Variants in EPAS1 observed in about 807,000 individuals in gnomAD.
EPAS1 encodes endothelial PAS domain protein 1, also known as endothelial PAS domain-containing protein 1.
A neutral mutation model predicts 87.9 loss-of-function variants in EPAS1; 23 were observed. The ratio of observed to expected loss-of-function variants is 0.26; its 90% CI spans 0.19 to 0.37. The LOEUF (loss-of-function observed/expected upper bound fraction) is 0.37, where lower values mean the gene tolerates loss of function less well. Among genes scored for constraint, EPAS1 ranks in the 10% least tolerant of loss-of-function variants. The pLI is 1.00. For synonymous variants in EPAS1, 508 were observed against 444.3 expected (o/e 1.14, Z -1.80); for missense variants, 1,138 against 1,120.7 (o/e 1.02, Z -0.22).
chr2:46,380,102 G>C lies in EPAS1; in HGVS notation c.1555-125G>C. On this transcript the variant is annotated intron_variant, in intron 11 of 15. Coordinates refer to ENST00000263734, the MANE Select transcript of EPAS1 (RefSeq NM_001430.5). This position sits in a 1 kb window ranked among gnomAD's most constrained non-coding sequence, Gnocchi z 4.4. The stretch of plus-strand genomic sequence containing the variant: ...CCTGATAGGCCCTCGGGAGCCAGTG[G>C]AGGCGTTTGAGCAGCACTGTGAAAC... 1 of 1,508,784 alleles carries C rather than the reference G, an allele frequency of 6.6e-7. No homozygotes were observed. Among genetic ancestry groups the C allele is most frequent in the Admixed American group, 1.7e-5 (1 of 59,830 alleles). 93.5% of individuals were successfully genotyped at this position (1,508,784 alleles called of 1,614,324 possible). A position where few individuals can be genotyped will look rare whatever the true frequency, so the allele number is the denominator to read the frequency against.
At chr2:46,339,338 T>C (rs1252655648) in intron 1 of EPAS1, among the ~76,000 whole-genome samples, 2 of 152,224 alleles carry the variant, frequency 1.3e-5, no homozygotes, top group Admixed American at 6.5e-5. Context: ...AAAAGCTAGG[T>C]TATATGATGG....
At chr2:46,324,730 G>A (rs757538770) in intron 1 of EPAS1, among the ~76,000 whole-genome samples, 12 of 152,344 alleles carry the variant, frequency 7.9e-5, no homozygotes, top group Middle Eastern at 6.8e-3. Flanking sequence ...AAGCAGTTAC[G>A]TAAGTGGGGA....
At position 46,347,835 on chromosome 2, in the gene EPAS1, GGTGACATTCTC is replaced by G. The variant is rs1340025235; in HGVS notation, c.217+775_217+785del. ...AGTAGTCTTCTGGTTTCAGATCCTA[GGTGACATTCTC>G]GTCAGGGGTGTCAGTTCTGTAAGGA... On this transcript the variant is annotated intron_variant, in intron 2 of 15. Coordinates refer to ENST00000263734, the MANE Select transcript of EPAS1 (RefSeq NM_001430.5). The surrounding 1 kb of genome is among the most constrained non-coding windows in gnomAD (Gnocchi z 4.2). Among the ~76,000 whole-genome samples the G allele has an allele frequency of 1.3e-5, 2 of 152,196 alleles. No homozygotes were observed. Among genetic ancestry groups the G allele is most frequent in the Non-Finnish European group, 2.9e-5 (2 of 68,046 alleles).
chr2:46,363,017 G>GA lies in EPAS1; in HGVS notation c.779+1927_779+1928insA, dbSNP rs1553395714. ...GGTGGTGGTGGTGGTGGTGGTGGTG[G>GA]TGATAATGATGGTGGTTCAAGAAGA... On this transcript the variant is annotated intron_variant, in intron 6 of 15. Coordinates refer to ENST00000263734, the MANE Select transcript of EPAS1 (RefSeq NM_001430.5). Among the ~76,000 whole-genome samples, 505 of 144,346 alleles carry GA rather than the reference G, an allele frequency of 3.5e-3. 12 individuals carry two copies. Among genetic ancestry groups the GA allele is most frequent in the South Asian group, 7.8e-3 (36 of 4,590 alleles). 94.7% of individuals were successfully genotyped at this position (144,346 alleles called of 152,430 possible).
intron 1 of EPAS1, among the ~76,000 whole-genome samples, chr2:46,304,174 A>G (rs897669949): frequency 1.3e-5 from 2 of 152,240 alleles, no homozygotes; most frequent in Non-Finnish European, 2.9e-5. Flanking sequence ...CATCAGGACA[A>G]CACAAAAAAC....
At chr2:46,328,033 G>T (rs1489558205) in intron 1 of EPAS1, among the ~76,000 whole-genome samples, 1 of 152,188 alleles carries the variant, frequency 6.6e-6, no homozygotes, top group Non-Finnish European at 1.5e-5. Context: ...AGAAAACTTG[G>T]CAACAGCCTC....
chr2:46,301,491 T>A (rs1682996092), intron 1 of EPAS1, among the ~76,000 whole-genome samples: 1 of 151,308 alleles, frequency 6.6e-6, no homozygotes, highest in South Asian at 2.1e-4. Flanking sequence ...GCAGGAGAAT[T>A]GCTTGAACCC....
intron 1 of EPAS1, among the ~76,000 whole-genome samples, chr2:46,333,535 C>T (rs1469266298): frequency 6.6e-6 from 1 of 151,990 alleles, no homozygotes; most frequent in Non-Finnish European, 1.5e-5. Context: ...AAGGAAGAAG[C>T]ACTTCAGGTG....
At chr2:46,373,840 T>G (rs1684676709) in intron 7 of EPAS1, among the ~76,000 whole-genome samples, 2 of 152,256 alleles carry the variant, frequency 1.3e-5, no homozygotes, top group Non-Finnish European at 2.9e-5. Flanking sequence ...GAATCTTTAA[T>G]TTGAACTATA....
At chr2:46,358,759 T>C (rs1475060048) in intron 4 of EPAS1, among the ~76,000 whole-genome samples, 1 of 152,188 alleles carries the variant, frequency 6.6e-6, no homozygotes, top group African/African-American at 2.4e-5. Context: ...ACAGCAAATC[T>C]TCACTGAAGG....
chr2:46,380,487 C>G lies in EPAS1; in HGVS notation c.1815C>G (p.Ser605=), dbSNP rs762157953. Residue 605 remains serine, a synonymous_variant, in exon 12 of 16, where the codon TCC becomes TCG. Coordinates refer to ENST00000263734, the MANE Select transcript of EPAS1 (RefSeq NM_001430.5). The surrounding 1 kb of genome is among the most constrained non-coding windows in gnomAD (Gnocchi z 4.4). ...KKTEPEHRPM[S]SIFFDAGSKA... ...CAGAGCCCGAGCACCGGCCCATGTC[C>G]TCCATCTTCTTTGATGCCGGAAGCA... 4 of 1,614,086 alleles carry G rather than the reference C, an allele frequency of 2.5e-6. No homozygotes were observed. In the African/African-American group the frequency reaches 5.3e-5, roughly 22 times the overall value.
At chr2:46,305,338 C>T (rs1683088460) in intron 1 of EPAS1, among the ~76,000 whole-genome samples, 1 of 152,144 alleles carries the variant, frequency 6.6e-6, no homozygotes, top group Non-Finnish European at 1.5e-5. Context: ...TTAAGAAATA[C>T]CTGTTTGCTT....
chr2:46,352,149 C>G (rs1237051939), intron 2 of EPAS1, among the ~76,000 whole-genome samples: 1 of 152,148 alleles, frequency 6.6e-6, no homozygotes, highest in Non-Finnish European at 1.5e-5. Context: ...GAAGGGTCCT[C>G]GGAAGCAAGT....
At position 46,380,169 on chromosome 2, in the gene EPAS1, A is replaced by G. The variant is rs538017299; in HGVS notation, c.1555-58A>G. ...GGCTCTGCAGGAGCTGAGTTGGAAT[A>G]GTGTTTGTGAGGTCGTACCAACCCC... On this transcript the variant is annotated intron_variant, in intron 11 of 15. Transcript: ENST00000263734. This position sits in a 1 kb window ranked among gnomAD's most constrained non-coding sequence, Gnocchi z 4.4. The G allele has an allele frequency of 6.2e-7, 1 of 1,600,186 alleles. No homozygotes were observed. The highest frequency in any genetic ancestry group is 1.3e-5 in the African/African-American group (1 of 74,992).
intron 8 of EPAS1, 65 bp from the exon 9 acceptor site, chr2:46,376,474 A>C: frequency 1.3e-6 from 2 of 1,542,690 alleles, no homozygotes; most frequent in Middle Eastern, 1.7e-4. Context: ...GTTTCCATGC[A>C]TCTAGGGGAG....
chr2:46,336,772 GGTT>G (rs948095789), intron 1 of EPAS1, among the ~76,000 whole-genome samples: 8 of 152,206 alleles, frequency 5.3e-5, no homozygotes, highest in African/African-American at 1.9e-4. Flanking sequence ...ATCCTCTGAG[GGTT>G]GTTAGGAAGG....
At chr2:46,315,353 G>A (rs998099516) in intron 1 of EPAS1, among the ~76,000 whole-genome samples, 2 of 152,222 alleles carry the variant, frequency 1.3e-5, no homozygotes, top group Non-Finnish European at 2.9e-5. Flanking sequence ...GGTGCATACT[G>A]TGGGACGGAG....
rs150914140 is a variant in EPAS1, at chr2:46,377,770, G to T, written c.1250-124G>T. ...CAGCTGAGCCCCAGGGTGTTGGGGG[G>T]GCCTAGCCCCAGGCATGCCTTCCAG... On this transcript the variant is annotated intron_variant, in intron 9 of 15. Coordinates refer to ENST00000263734, the MANE Select transcript of EPAS1 (RefSeq NM_001430.5). 230 of 1,511,974 alleles carry T rather than the reference G, an allele frequency of 1.5e-4. No individual in the cohort carries two copies. The East Asian group carries it at 3.4e-3, about 22-fold the overall frequency. The allele number at this position is 1,511,974 out of a possible 1,614,324, so 93.7% of individuals were successfully genotyped here.
At chr2:46,366,850 C>T (rs997422777) in intron 6 of EPAS1, among the ~76,000 whole-genome samples, 5 of 152,218 alleles carry the variant, frequency 3.3e-5, no homozygotes, top group African/African-American at 7.2e-5. Context: ...GCCGTAGGAG[C>T]GACCTTATAA....
Sources: gnomAD v4.1 joint callset for allele counts (sites outside exome capture counted in the v4.1 genomes callset) on GRCh38, gnomAD v4.1.1 for gene constraint, Gnocchi (gnomAD v3.1) non-coding constraint, MANE v1.5 for transcripts, NCBI Gene and HGNC (gene_info 2026-07-23, HGNC 2026-07-21) for gene names.